Variants in PDZRN3 observed in about 807,000 individuals in gnomAD.
The protein encoded by PDZRN3 is PDZ domain containing ring finger 3.
Under a neutral mutation model 85.7 loss-of-function variants are expected in PDZRN3, and 38 were observed. The observed-to-expected ratio is 0.44, with a 90% CI of 0.34 to 0.58. The LOEUF is 0.58. Among genes scored for constraint, PDZRN3 ranks in the 20% least tolerant of loss-of-function variants. PDZRN3 has a pLI of 0.01. For missense variants in PDZRN3, 1,629 were observed against 1,506.4 expected (o/e 1.08, Z -1.35); for synonymous variants, 759 against 638.0 (o/e 1.19, Z -2.86).
intron 3 of PDZRN3, among the ~76,000 whole-genome samples, chr3:73,500,490 A>G (rs1362566931): frequency 1.3e-5 from 2 of 152,076 alleles, no homozygotes; most frequent in Admixed American, 1.3e-4. Context: ...AATATTTCTG[A>G]GCTGAGTTGC....
intron 3 of PDZRN3, among the ~76,000 whole-genome samples, chr3:73,504,704 C>T (rs1704039843): frequency 6.6e-6 from 1 of 152,188 alleles, no homozygotes; most frequent in Admixed American, 6.5e-5. Context: ...CTTAACACCT[C>T]CCTGCAACCA....
Position 73,424,410 on chromosome 3 carries a change from A to G in PDZRN3, c.919-20015T>C, listed in dbSNP as rs990595251. 6.8e-4 allele frequency among the ~76,000 whole-genome samples: 99 copies of G among 145,762 alleles called. 1 individual carries two copies. The highest frequency in any genetic ancestry group is 3.6e-3 in the Middle Eastern group (1 of 276). On this transcript the variant is annotated intron_variant, in intron 3 of 9. Transcript: ENST00000263666. ...AAAAAAAATAGCTGAGTGTAGTGGCAGGTGCCTGTAGTCCCAGCTACTCGG... is the reference window on the plus strand; with the variant it reads ...AAAAAAAATAGCTGAGTGTAGTGGCGGGTGCCTGTAGTCCCAGCTACTCGG...
chr3:73,459,073 A>T (rs1210899814), intron 3 of PDZRN3, among the ~76,000 whole-genome samples: 4 of 152,186 alleles, frequency 2.6e-5, no homozygotes, highest in Non-Finnish European at 4.4e-5. Context: ...GGGAGGCCTC[A>T]GTAAACTGAC....
chr3:73,431,473 G>A (rs188586035), intron 3 of PDZRN3, among the ~76,000 whole-genome samples: 50 of 152,262 alleles, frequency 3.3e-4, no homozygotes, highest in Non-Finnish European at 6.0e-4. Context: ...CAGACGCACC[G>A]GACCTTCTGG....
chr3:73,619,750 T>C (rs2106918766), intron 1 of PDZRN3, among the ~76,000 whole-genome samples: 1 of 152,290 alleles, frequency 6.6e-6, no homozygotes, highest in South Asian at 2.1e-4. Context: ...ATCCAGAGCA[T>C]GTTGGACCTT....
intron 3 of PDZRN3, among the ~76,000 whole-genome samples, chr3:73,558,036 A>G (rs1701737666): frequency 6.6e-6 from 1 of 152,144 alleles, no homozygotes; most frequent in Non-Finnish European, 1.5e-5. Flanking sequence ...ATGAAAATGC[A>G]TAATTTTTAC....
chr3:73,400,855 A>G (rs1426598536), intron 5 of PDZRN3, 67 bp downstream of exon 5: 6 of 1,115,474 alleles, frequency 5.4e-6, no homozygotes, highest in Non-Finnish European at 8.3e-6. Context: ...ATGCTTATAG[A>G]GAACTTATTA....
intron 3 of PDZRN3, among the ~76,000 whole-genome samples, chr3:73,453,540 TA>T (rs1413631023): frequency 3.3e-5 from 5 of 151,614 alleles, no homozygotes; most frequent in Non-Finnish European, 5.9e-5. Context: ...TTGCTTTCTT[TA>T]AAAAAGGTAC....
rs10675308 is a variant in PDZRN3 at position 73,388,930 on chromosome 3, CAAAAAAAAAAAAAAAA to C, written c.1416+870_1417-862del. On this transcript the variant is annotated intron_variant, in intron 7 of 9. Coordinates refer to ENST00000263666, the MANE Select transcript of PDZRN3 (RefSeq NM_015009.3). ...AAGGTTAATGGAAAACTCCAGCAATCAAAAAAAAAAAAAAAAAAAAAAAAAAGAGGCAGTATGCTGA... is the reference window on the plus strand; with the variant it reads ...AAGGTTAATGGAAAACTCCAGCAATCAAAAAAAAAAGAGGCAGTATGCTGA... Among the ~76,000 whole-genome samples the C allele has an allele frequency of 5.9e-5, 4 of 67,670 alleles. No individual in the cohort carries two copies. The East Asian group carries it at 2.5e-3, about 43-fold the overall frequency. The allele number at this position is 67,670 out of a possible 152,430, so 44.4% of individuals were successfully genotyped here. A position where few individuals can be genotyped will look rare whatever the true frequency, so the allele number is the denominator to read the frequency against.
In PDZRN3 at chr3:73,410,775, A is replaced by G. The variant is rs574215396; in HGVS notation, c.919-6380T>C. ...ATAAAATACTTTCTTTTCAGATACC[A>G]ATCCCACCTTAGTATCTCCTTTGGA... On this transcript the variant is annotated intron_variant, in intron 3 of 9. Transcript: ENST00000263666. Among the ~76,000 whole-genome samples, 7 of 152,368 alleles carry G rather than the reference A, an allele frequency of 4.6e-5. No homozygotes were observed. In the South Asian group the frequency reaches 6.2e-4, roughly 14 times the overall value.
intron 1 of PDZRN3, among the ~76,000 whole-genome samples, chr3:73,620,030 C>A (rs1559760101): frequency 2.6e-5 from 4 of 152,176 alleles, no homozygotes; most frequent in Non-Finnish European, 1.5e-5. Flanking sequence ...TAGGTAGATG[C>A]CCGGGATGTT....
chr3:73,400,397 C>G (rs1284898272), intron 5 of PDZRN3, among the ~76,000 whole-genome samples: 1 of 152,288 alleles, frequency 6.6e-6, no homozygotes, highest in Non-Finnish European at 1.5e-5. Flanking sequence ...ATCTTTATTC[C>G]TGTGTGGCCT....
intron 5 of PDZRN3, among the ~76,000 whole-genome samples, chr3:73,394,910 G>A (rs1004488317): frequency 3.9e-5 from 6 of 152,178 alleles, no homozygotes; most frequent in Non-Finnish European, 8.8e-5. Flanking sequence ...CGGATTTATG[G>A]TTTACCTTGT....
intron 3 of PDZRN3, among the ~76,000 whole-genome samples, chr3:73,579,018 T>G (rs1702161881): frequency 6.6e-6 from 1 of 152,100 alleles, no homozygotes; most frequent in Non-Finnish European, 1.5e-5. Context: ...GGTCCTTGCT[T>G]TGGTCTGAAT....
chr3:73,451,245 G>A (rs1225965023), intron 3 of PDZRN3, among the ~76,000 whole-genome samples: 7 of 152,136 alleles, frequency 4.6e-5, no homozygotes, highest in Non-Finnish European at 1.0e-4. Context: ...GTGTCTTTCA[G>A]GGCAAGCGCA....
At chr3:73,441,411 C>CAAAAAAAAA (rs10656791) in intron 3 of PDZRN3, among the ~76,000 whole-genome samples, 1 of 68,186 alleles carries the variant, frequency 1.5e-5, no homozygotes, top group African/African-American at 6.5e-5. Context: ...GACTCTGTCC[C>CAAAAAAAAA]AAAAAAAAAA....
At chr3:73,481,567 T>A (rs13071988) in intron 3 of PDZRN3, among the ~76,000 whole-genome samples, 1 of 151,876 alleles carries the variant, frequency 6.6e-6, no homozygotes, top group Admixed American at 6.6e-5. Flanking sequence ...CGACCTCAGG[T>A]GATCTGCCCA....
At chr3:73,586,188 C>T (rs965109134) in intron 3 of PDZRN3, among the ~76,000 whole-genome samples, 7 of 152,174 alleles carry the variant, frequency 4.6e-5, no homozygotes, top group African/African-American at 1.7e-4. Context: ...CCCATTCATT[C>T]CCCTGCTTCT....
In PDZRN3 at chr3:73,383,057, G is replaced by C. The variant is rs1280219033; in HGVS notation, c.*308C>G. The C allele has an allele frequency of 3.5e-5, 9 of 257,414 alleles. No individual in the cohort carries two copies. The highest frequency in any genetic ancestry group is 9.5e-5 in the Admixed American group (2 of 20,984). The allele number at this position is 257,414 out of a possible 1,614,324, so 15.9% of individuals were successfully genotyped here. A position where few individuals can be genotyped will look rare whatever the true frequency, so the allele number is the denominator to read the frequency against. ...AGTTTAAACAAGTTATTCTGTGAAA[G>C]TATGCTTAATAAAAGATCTTTCTGA... On this transcript the variant is annotated 3_prime_UTR_variant, in exon 10 of 10. Transcript: ENST00000263666.
Sources: gnomAD v4.1 joint callset for allele counts (sites outside exome capture counted in the v4.1 genomes callset) on GRCh38, gnomAD v4.1.1 for gene constraint, MANE v1.5 for transcripts, NCBI Gene and HGNC (gene_info 2026-07-23, HGNC 2026-07-21) for gene names.